DAAM1: variants seen among roughly 807,000 people sequenced by gnomAD.
The protein encoded by DAAM1 is dishevelled associated activator of morphogenesis 1.
In DAAM1, 52 loss-of-function variants were observed where a neutral mutation model predicts 130.0. That is an observed-to-expected ratio of 0.40 (90% CI 0.32 to 0.50). The LOEUF (loss-of-function observed/expected upper bound fraction) is 0.50, where lower values mean the gene tolerates loss of function less well. Among genes scored for constraint, DAAM1 ranks in the 20% least tolerant of loss-of-function variants. The pLI is 0.61. For missense variants in DAAM1, 1,134 were observed against 1,303.8 expected (o/e 0.87, Z 2.01); for synonymous variants, 452 against 444.5 (o/e 1.02, Z -0.21).
At chr14:59,281,613 T>C (rs1163071254) in intron 2 of DAAM1, among the ~76,000 whole-genome samples, 1 of 152,108 alleles carries the variant, frequency 6.6e-6, no homozygotes. Context: ...CTAAGGAATT[T>C]GGACTTTATC....
intron 2 of DAAM1, among the ~76,000 whole-genome samples, chr14:59,286,908 G>A (rs1006741627): frequency 3.9e-5 from 6 of 152,104 alleles, no homozygotes; most frequent in Non-Finnish European, 7.4e-5. Context: ...AAAATTCAAA[G>A]AGAAGGGACT....
chr14:59,288,832 G>GGAGAGAGAGAGA (rs58762540), intron 2 of DAAM1, among the ~76,000 whole-genome samples: 5,084 of 143,790 alleles, frequency 0.035, 88 homozygotes, highest in Non-Finnish European at 0.041. Flanking sequence ...TGTGATAGCA[G>GGAGAGAGAGAGA]GAGAGAGAGA....
chr14:59,202,864 C>T (rs1888149848), intron 1 of DAAM1, among the ~76,000 whole-genome samples: 1 of 152,154 alleles, frequency 6.6e-6, no homozygotes, highest in Admixed American at 6.5e-5. Flanking sequence ...AATCTTCTAC[C>T]TCCTGTTCTT....
rs1414068731 is a variant in DAAM1, at chr14:59,347,635, G to C, written c.2160+12G>C. ...ACATGTTGGAACAGGTGAGCTACCA[G>C]ATGTATCTGAGAGCAGAAGTGAAAA... On this transcript the variant is annotated intron_variant, in intron 17 of 24. Coordinates refer to ENST00000360909, the MANE Select transcript of DAAM1 (RefSeq NM_001270520.2). 2 of 1,612,876 alleles carry C rather than the reference G, an allele frequency of 1.2e-6. No homozygotes were observed. Among genetic ancestry groups the C allele is most frequent in the Non-Finnish European group, 1.7e-6 (2 of 1,179,272 alleles).
chr14:59,323,208 G>A lies in DAAM1; in HGVS notation c.757G>A (p.Glu253Lys), dbSNP rs567041153. 6 of 1,607,380 alleles carry A rather than the reference G, an allele frequency of 3.7e-6. No individual in the cohort carries two copies. The highest frequency in any genetic ancestry group is 2.2e-5 in the East Asian group (1 of 44,620). Residue 253 changes from glutamate to lysine, a missense_variant, in exon 6 of 25, where the codon GAA becomes AAA. This residue lies in a region of DAAM1 where 391 missense variants were observed against 521.6 expected (regional missense o/e 0.75). Coordinates refer to ENST00000360909, the MANE Select transcript of DAAM1 (RefSeq NM_001270520.2). ...AMLHYQKYAS[E>K]RTRFQTLIND... Reference sequence around the variant, plus strand: ...GCTGCACTACCAGAAGTATGCCAGCGAAAGGACCCGCTTTCAGGTGGGTGT... The same window carrying A: ...GCTGCACTACCAGAAGTATGCCAGCAAAAGGACCCGCTTTCAGGTGGGTGT...
intron 1 of DAAM1, among the ~76,000 whole-genome samples, chr14:59,193,968 T>A (rs552623758): frequency 4.6e-5 from 7 of 152,318 alleles, no homozygotes; most frequent in African/African-American, 1.7e-4. Flanking sequence ...ATGGGCTACG[T>A]CATTGACTGC....
intron 1 of DAAM1, among the ~76,000 whole-genome samples, chr14:59,206,507 C>G (rs1199142657): frequency 6.6e-6 from 1 of 152,030 alleles, no homozygotes; most frequent in African/African-American, 2.4e-5. Flanking sequence ...GATCTCCTAA[C>G]CTCGTAATCT....
At chr14:59,213,754 T>C (rs566381328) in intron 1 of DAAM1, among the ~76,000 whole-genome samples, 1 of 152,304 alleles carries the variant, frequency 6.6e-6, no homozygotes, top group East Asian at 1.9e-4. Context: ...AAGCTTACTT[T>C]TATAAATTTT....
At chr14:59,249,695 A>G (rs1038394076) in intron 1 of DAAM1, among the ~76,000 whole-genome samples, 1 of 152,176 alleles carries the variant, frequency 6.6e-6, no homozygotes, top group Admixed American at 6.5e-5. Context: ...ATTTTATTCC[A>G]TAAACAGTGT....
At chr14:59,236,263 G>T (rs756685533) in intron 1 of DAAM1, among the ~76,000 whole-genome samples, 35 of 151,992 alleles carry the variant, frequency 2.3e-4, no homozygotes, top group Non-Finnish European at 3.2e-4. Context: ...TATCTAGTAG[G>T]TGTTGTTTTG....
At chr14:59,247,245 T>A (rs562804997) in intron 1 of DAAM1, among the ~76,000 whole-genome samples, 1 of 152,232 alleles carries the variant, frequency 6.6e-6, no homozygotes, top group Non-Finnish European at 1.5e-5. Flanking sequence ...TCCATTGGTC[T>A]CTATGTCTGT....
chr14:59,270,440 G>C (rs1341594684), intron 2 of DAAM1, among the ~76,000 whole-genome samples: 1 of 152,152 alleles, frequency 6.6e-6, no homozygotes, highest in Non-Finnish European at 1.5e-5. Flanking sequence ...AATGGAGCTA[G>C]AACTCAGTAA....
rs1467153966 is a variant in DAAM1 at position 59,370,766 on chromosome 14, A to AGAT, written c.*1910_*1912dup. 3 of 152,178 alleles carry AGAT rather than the reference A, an allele frequency of 2.0e-5. No homozygotes were observed. Among genetic ancestry groups the AGAT allele is most frequent in the African/African-American group, 7.2e-5 (3 of 41,444 alleles). The allele number at this position is 152,178 out of a possible 1,614,324, so 9.4% of individuals were successfully genotyped here. On this transcript the variant is annotated 3_prime_UTR_variant, in exon 25 of 25. Transcript: ENST00000360909. ...AGAGACTTGGCTCAAAAAGGCTTGG[A>AGAT]GATGAGGAAGATTGGAATATAATGA...
At chr14:59,321,818 T>C (rs60477051) in intron 5 of DAAM1, among the ~76,000 whole-genome samples, 33,824 of 152,176 alleles carry the variant, frequency 0.22, 3,884 homozygotes, top group East Asian at 0.33. Flanking sequence ...AGCATTTCTC[T>C]CAATATGTTC....
intron 2 of DAAM1, among the ~76,000 whole-genome samples, chr14:59,266,321 A>G (rs983927754): frequency 6.6e-6 from 1 of 151,996 alleles, no homozygotes; most frequent in Admixed American, 6.6e-5. Flanking sequence ...GTGGTAGTAG[A>G]GCTGGTAGGC....
At chr14:59,191,480 CA>C (rs895770333) in intron 1 of DAAM1, among the ~76,000 whole-genome samples, 2 of 152,076 alleles carry the variant, frequency 1.3e-5, no homozygotes, top group Admixed American at 6.5e-5. Context: ...ATTGGAGATC[CA>C]AGGTCTATTA....
chr14:59,235,434 G>T (rs2139452090), intron 1 of DAAM1, among the ~76,000 whole-genome samples: 1 of 152,276 alleles, frequency 6.6e-6, no homozygotes, highest in African/African-American at 2.4e-5. Context: ...TTTGCATAGA[G>T]GTGTTTATAG....
At chr14:59,218,934 A>G (rs978035262) in intron 1 of DAAM1, among the ~76,000 whole-genome samples, 1 of 152,174 alleles carries the variant, frequency 6.6e-6, no homozygotes, top group African/African-American at 2.4e-5. Flanking sequence ...CTGATATGCA[A>G]GGGCTGGGAC....
At position 59,368,848 on chromosome 14, in the gene DAAM1, C is replaced by T. The variant is rs1566514290; in HGVS notation, c.3196C>T (p.Leu1066Phe). The T allele has an allele frequency of 1.9e-6, 3 of 1,612,920 alleles. No homozygotes were observed. The highest frequency in any genetic ancestry group is 2.2e-5 in the South Asian group (2 of 90,912). Residue 1066 changes from leucine (L) to phenylalanine (F), a missense_variant, in exon 25 of 25, where the codon CTT becomes TTT. Transcript: ENST00000360909. ...DSSRERPITK[L>F]NF Reference sequence around the variant, plus strand: ...CAGCAGAGAGAGACCAATCACAAAACTTAATTTCTAATTTTCCATGAATAC... The same window carrying T: ...CAGCAGAGAGAGACCAATCACAAAATTTAATTTCTAATTTTCCATGAATAC...
Sources: allele counts gnomAD v4.1 joint callset (sites outside exome capture counted in the v4.1 genomes callset), GRCh38; gene constraint gnomAD v4.1.1; regional missense constraint gnomAD v4.1.1; transcripts MANE v1.5; gene names NCBI Gene and HGNC (gene_info 2026-07-23, HGNC 2026-07-21).